The following ESR1 variants were observed in gnomAD, a reference collection of about 807,000 sequenced individuals.
The protein encoded by ESR1 is estrogen receptor 1.
A neutral mutation model predicts 52.7 loss-of-function variants in ESR1; 12 were observed. The ratio of observed to expected loss-of-function variants is 0.23; its 90% CI spans 0.15 to 0.37. The LOEUF (loss-of-function observed/expected upper bound fraction) is 0.37, where lower values mean the gene tolerates loss of function less well. Ranked by LOEUF, ESR1 falls within the 10% of genes least tolerant of loss-of-function variation. The pLI, the probability that ESR1 is intolerant of heterozygous loss-of-function variation, is 1.00. For missense variants in ESR1, 584 were observed against 779.7 expected (o/e 0.75, Z 2.99); for synonymous variants, 305 against 316.8 (o/e 0.96, Z 0.39).
At chr6:151,893,366 G>A (rs1794980089) in intron 3 of ESR1, among the ~76,000 whole-genome samples, 1 of 151,996 alleles carries the variant, frequency 6.6e-6, no homozygotes, top group South Asian at 2.1e-4. Context: ...GAAAAGAAAT[G>A]TTCTGGTCAT....
At chr6:152,111,518 T>A (rs1443182407) in intron 6 of ESR1, among the ~76,000 whole-genome samples, 1 of 152,170 alleles carries the variant, frequency 6.6e-6, no homozygotes, top group East Asian at 1.9e-4. Context: ...TCAGTAATTG[T>A]GGGAAAGGCC....
rs1045353837 is a variant in ESR1 at position 151,684,480 on chromosome 6, G to A, written n.74-17395G>A. Among the ~76,000 whole-genome samples, 20 of 152,068 alleles carry A rather than the reference G, an allele frequency of 1.3e-4. 1 individual carries two copies. Among genetic ancestry groups the A allele is most frequent in the Admixed American group, 9.8e-4 (15 of 15,274 alleles). On this transcript the variant is annotated intron_variant and non_coding_transcript_variant, in intron 1 of 2. Transcript: ENST00000473497. ...CGGATTCGAAATGGTAGAGGCTGTC[G>A]GCAACCAGACCAATTAGGACACCAT...
intron 3 of ESR1, among the ~76,000 whole-genome samples, chr6:151,905,025 C>A (rs190838637): frequency 1.7e-4 from 26 of 152,070 alleles, no homozygotes; most frequent in Non-Finnish European, 1.8e-4. Flanking sequence ...GGCCAAAGAA[C>A]TAAGAACAGA....
chr6:151,934,118 T>G (rs1437565202), intron 3 of ESR1, among the ~76,000 whole-genome samples: 1 of 152,234 alleles, frequency 6.6e-6, no homozygotes, highest in African/African-American at 2.4e-5. Flanking sequence ...TTCAGGCTGC[T>G]GTGACCTCTC....
intron 2 of ESR1, among the ~76,000 whole-genome samples, chr6:151,863,642 T>C (rs1789298690): frequency 6.6e-6 from 1 of 152,180 alleles, no homozygotes; most frequent in Non-Finnish European, 1.5e-5. Flanking sequence ...TATTTCTTTC[T>C]CCTGCCTAAT....
In ESR1 at chr6:151,769,019, G is replaced by A. The variant is rs187828996; in HGVS notation, c.-70-38824G>A. Among the ~76,000 whole-genome samples, 7 of 152,284 alleles carry A rather than the reference G, an allele frequency of 4.6e-5. No individual in the cohort carries two copies. In the East Asian group the frequency reaches 5.8e-4, roughly 13 times the overall value. ...TTTTAATTCATTTTCCTGACAGCAC[G>A]TTTCTGTGCTTTTATGTATGGATAC... On this transcript the variant is annotated intron_variant, in intron 2 of 2. Coordinates refer to the ESR1 transcript ENST00000404742.
At chr6:151,912,197 C>T (rs1405482009) in intron 3 of ESR1, among the ~76,000 whole-genome samples, 1 of 152,174 alleles carries the variant, frequency 6.6e-6, no homozygotes, top group Non-Finnish European at 1.5e-5. Flanking sequence ...ATAAGAGAAA[C>T]TTCAAAGCAT....
chr6:151,819,276 A>G (rs1262616842), intron 1 of ESR1, among the ~76,000 whole-genome samples: 1 of 152,154 alleles, frequency 6.6e-6, no homozygotes, highest in Non-Finnish European at 1.5e-5. Flanking sequence ...TTAGTTGTAA[A>G]TAGAGTTGTC....
intron 4 of ESR1, among the ~76,000 whole-genome samples, chr6:151,953,310 G>T (rs1400741480): frequency 6.6e-6 from 1 of 152,160 alleles, no homozygotes; most frequent in Admixed American, 6.6e-5. Flanking sequence ...TACAATGGAG[G>T]TTACATCGTA....
At position 152,101,286 on chromosome 6, in the gene ESR1, T is replaced by C. The variant is rs922268121; in HGVS notation, c.*2320T>C. ...AGCTAATTTTGCTTTTACCAAAATA[T>C]CAGTAGTAATATTTTTGGACAGTAG... is the stretch of plus-strand genomic sequence containing the variant. On this transcript the variant is annotated 3_prime_UTR_variant, in exon 8 of 8. Coordinates refer to ENST00000206249, the MANE Select transcript of ESR1 (RefSeq NM_000125.4). 17 of 232,310 alleles carry C rather than the reference T, an allele frequency of 7.3e-5. No homozygotes were observed. The highest frequency in any genetic ancestry group is 3.5e-4 in the African/African-American group (16 of 45,272). The allele number at this position is 232,310 out of a possible 1,614,324, so 14.4% of individuals were successfully genotyped here.
chr6:152,011,361 A>T (rs1468787086), intron 4 of ESR1, among the ~76,000 whole-genome samples: 1 of 152,158 alleles, frequency 6.6e-6, no homozygotes, highest in Middle Eastern at 3.2e-3. Flanking sequence ...TAGAAGGCAC[A>T]CAAGTTTTCA....
At chr6:151,834,352 G>A (rs1782933459) in intron 1 of ESR1, among the ~76,000 whole-genome samples, 1 of 152,172 alleles carries the variant, frequency 6.6e-6, no homozygotes, top group Non-Finnish European at 1.5e-5. Flanking sequence ...TATACACCAT[G>A]GAATACTATG....
chr6:151,756,093 G>T (rs1784263724), intron 2 of ESR1, among the ~76,000 whole-genome samples: 1 of 152,014 alleles, frequency 6.6e-6, no homozygotes, highest in South Asian at 2.1e-4. Flanking sequence ...TTCCTCAAGT[G>T]CATATCTTGT....
At chr6:151,927,673 T>C (rs1584275493) in intron 3 of ESR1, among the ~76,000 whole-genome samples, 1 of 152,110 alleles carries the variant, frequency 6.6e-6, no homozygotes, top group African/African-American at 2.4e-5. Flanking sequence ...AAGAGACCAG[T>C]CGTGGTGACT....
intron 4 of ESR1, among the ~76,000 whole-genome samples, chr6:151,959,093 G>A (rs898426123): frequency 6.6e-6 from 1 of 152,114 alleles, no homozygotes; most frequent in African/African-American, 2.4e-5. Context: ...AAGCCAGGAT[G>A]GGCATCTCTG....
At chr6:151,665,023 A>G (rs1017752046) in intron 1 of ESR1, among the ~76,000 whole-genome samples, 6 of 152,196 alleles carry the variant, frequency 3.9e-5, no homozygotes, top group African/African-American at 1.4e-4. Flanking sequence ...TAGTCCTTAA[A>G]ATATTTTTTG....
upstream of ESR1, chr6:151,807,592 G>A (rs1043585063): frequency 8.1e-5 from 40 of 494,464 alleles, no homozygotes; most frequent in Non-Finnish European, 5.6e-5. Flanking sequence ...GTCAGGGCAA[G>A]GCAACAGTCC....
At chr6:152,005,536 T>C (rs1163265924) in intron 4 of ESR1, among the ~76,000 whole-genome samples, 3 of 152,040 alleles carry the variant, frequency 2.0e-5, no homozygotes, top group Admixed American at 6.6e-5. Flanking sequence ...GCAAAAGTAA[T>C]GCTTTCTTCT....
At chr6:151,871,732 C>A (rs1487656377) in intron 2 of ESR1, among the ~76,000 whole-genome samples, 1 of 152,146 alleles carries the variant, frequency 6.6e-6, no homozygotes, top group Non-Finnish European at 1.5e-5. Flanking sequence ...ACAATGACTC[C>A]AAGTTCCCCT....
Sources: allele counts gnomAD v4.1 joint callset (sites outside exome capture counted in the v4.1 genomes callset), GRCh38; gene constraint gnomAD v4.1.1; transcripts MANE v1.5; gene names NCBI Gene and HGNC (gene_info 2026-07-23, HGNC 2026-07-21).